Variants in GTPBP10 observed in about 807,000 individuals in gnomAD.
The protein encoded by GTPBP10 is GTP-binding protein 10.
Under a neutral mutation model 44.8 loss-of-function variants are expected in GTPBP10, and 38 were observed. The observed-to-expected ratio is 0.85, with a 90% CI of 0.65 to 1.11. The LOEUF is 1.11. GTPBP10 is among the 50% of genes most tolerant of loss of function. GTPBP10 has a pLI of 0.00. For missense variants in GTPBP10, 462 were observed against 453.7 expected, an observed-to-expected ratio of 1.02 and a Z score of -0.17; for synonymous variants, 152 against 150.6, an observed-to-expected ratio of 1.01 and a Z score of -0.07.
intron 6 of GTPBP10, among the ~76,000 whole-genome samples, chr7:90,375,948 C>T (rs534451613): frequency 4.0e-5 from 6 of 151,534 alleles, no homozygotes; most frequent in South Asian, 2.1e-4. Flanking sequence ...CACAAGTGGC[C>T]GGGTGTGGTG....
intron 4 of GTPBP10, among the ~76,000 whole-genome samples, chr7:90,361,767 T>C (rs1227550397): frequency 1.3e-5 from 2 of 152,186 alleles, no homozygotes; most frequent in African/African-American, 4.8e-5. Flanking sequence ...TCCTGGACTT[T>C]TTTTGGTTGG....
At chr7:90,368,106 G>A (rs1295783495) in intron 4 of GTPBP10, among the ~76,000 whole-genome samples, 33 of 152,154 alleles carry the variant, frequency 2.2e-4, no homozygotes, top group African/African-American at 2.4e-5. Flanking sequence ...TTGAATATTG[G>A]CCCCCACTCT....
chr7:90,360,741 T>G (rs1796000784), intron 4 of GTPBP10, among the ~76,000 whole-genome samples: 1 of 152,200 alleles, frequency 6.6e-6, no homozygotes, highest in South Asian at 2.1e-4. Context: ...GTATGGCCAT[T>G]TTCATGATAC....
intron 4 of GTPBP10, among the ~76,000 whole-genome samples, chr7:90,369,165 A>T (rs1001420452): frequency 6.6e-6 from 1 of 152,058 alleles, no homozygotes; most frequent in Non-Finnish European, 1.5e-5. Flanking sequence ...TTTGCTCTGG[A>T]AGCTTTGTCC....
Position 90,378,119 on chromosome 7 carries a change from T to G in GTPBP10, c.700-15T>G, listed in dbSNP as rs753455745. ...CGTATGTTAAAGGCTGTCTCTTTCC[T>G]TCTCTTTTTTTTAGGTTGATATTTC... On this transcript the variant is annotated splice_polypyrimidine_tract_variant and intron_variant, in intron 7 of 9. Coordinates refer to ENST00000222511, the MANE Select transcript of GTPBP10 (RefSeq NM_033107.4). 6.2e-7 allele frequency: 1 copy of G among 1,605,768 alleles called. No individual in the cohort carries two copies. Among genetic ancestry groups the G allele is most frequent in the Non-Finnish European group, 8.5e-7 (1 of 1,173,678 alleles).
At chr7:90,378,086 C>A in intron 7 of GTPBP10, 48 bp from the exon 8 acceptor site, 1 of 1,548,888 alleles carries the variant, frequency 6.5e-7, no homozygotes. Flanking sequence ...AAATGTATAG[C>A]TATTCTTCGT....
intron 4 of GTPBP10, among the ~76,000 whole-genome samples, chr7:90,369,533 C>T (rs1232494806): frequency 6.6e-6 from 1 of 152,218 alleles, no homozygotes; most frequent in African/African-American, 2.4e-5. Flanking sequence ...GCGGATACCC[C>T]TCCACCTGCC....
chr7:90,370,728 G>A (rs1054167455), intron 4 of GTPBP10, among the ~76,000 whole-genome samples: 5 of 152,114 alleles, frequency 3.3e-5, no homozygotes, highest in Admixed American at 1.3e-4. Context: ...GAAATAGGTC[G>A]GACATGGTGG....
At chr7:90,378,086 C>G (rs776981202) in intron 7 of GTPBP10, 48 bp from the exon 8 acceptor site, 1 of 1,548,770 alleles carries the variant, frequency 6.5e-7, no homozygotes, top group East Asian at 2.3e-5. Context: ...AAATGTATAG[C>G]TATTCTTCGT....
At chr7:90,378,049 G>A in intron 7 of GTPBP10, 85 bp from the exon 8 acceptor site, 1 of 1,446,218 alleles carries the variant, frequency 6.9e-7, no homozygotes. Flanking sequence ...TTTTTAGCTT[G>A]AGAGAGTAAA....
Position 90,352,943 on chromosome 7 carries a change from C to CT in GTPBP10, c.164dup (p.Leu55PhefsTer5). ...TGGGTTGTAGCCCAGAACAGAATGA[C>CT]TTTAAAACAACTTAAAGACAGGTAT... is the stretch of plus-strand genomic sequence containing the variant. On this transcript the variant is annotated frameshift_variant, in exon 2 of 10. Transcript: ENST00000222511. LOFTEE classifies it high-confidence loss of function. 6.2e-7 allele frequency: 1 copy of CT among 1,613,296 alleles called. No individual in the cohort carries two copies. Among genetic ancestry groups the CT allele is most frequent in the Non-Finnish European group, 8.5e-7 (1 of 1,179,638 alleles).
rs1796504354 is a variant in GTPBP10, at chr7:90,385,238, T to C, written c.*84T>C. ...TTCATCTGTGACAACCTGGAGGACATGTTAAGTAAAATAAGCCAGGCTTAG... is the reference window on the plus strand; with the variant it reads ...TTCATCTGTGACAACCTGGAGGACACGTTAAGTAAAATAAGCCAGGCTTAG... On this transcript the variant is annotated 3_prime_UTR_variant, in exon 10 of 10. Transcript: ENST00000222511. 2.0e-6 allele frequency: 2 copies of C among 983,362 alleles called. No homozygotes were observed. Among genetic ancestry groups the C allele is most frequent in the South Asian group, 1.8e-5 (1 of 56,498 alleles). 60.9% of individuals were successfully genotyped at this position (983,362 alleles called of 1,614,324 possible). A position where few individuals can be genotyped will look rare whatever the true frequency, so the allele number is the denominator to read the frequency against.
chr7:90,372,255 A>C (rs1453760599), intron 5 of GTPBP10, 27 bp downstream of exon 5: 1 of 1,384,426 alleles, frequency 7.2e-7, no homozygotes, highest in Non-Finnish European at 1.0e-6. Flanking sequence ...TGTACATTTT[A>C]ATGAGTGGAG....
chr7:90,386,953 T>A lies in GTPBP10; in HGVS notation c.*1799T>A, dbSNP rs571814207. On this transcript the variant is annotated 3_prime_UTR_variant, in exon 10 of 10. Coordinates refer to ENST00000222511, the MANE Select transcript of GTPBP10 (RefSeq NM_033107.4). ...TAATAGTTTACATTCTTGCAGAAAT[T>A]TTTTATGTATAAATTTTTACCCAAA... is the stretch of plus-strand genomic sequence containing the variant. 2 of 152,328 alleles carry A rather than the reference T, an allele frequency of 1.3e-5. No homozygotes were observed. Among genetic ancestry groups the A allele is most frequent in the South Asian group, 2.1e-4 (1 of 4,830 alleles). 9.4% of individuals were successfully genotyped at this position (152,328 alleles called of 1,614,324 possible). A position where few individuals can be genotyped will look rare whatever the true frequency, so the allele number is the denominator to read the frequency against.
At chr7:90,350,604 C>A (rs1325842622) in intron 1 of GTPBP10, among the ~76,000 whole-genome samples, 1 of 152,094 alleles carries the variant, frequency 6.6e-6, no homozygotes, top group African/African-American at 2.4e-5. Flanking sequence ...CTTACTTTTT[C>A]TTTTATTGTA....
intron 6 of GTPBP10, 69 bp downstream of exon 6, chr7:90,374,423 A>G (rs1796309607): frequency 2.0e-6 from 2 of 1,004,444 alleles, no homozygotes; most frequent in Admixed American, 2.0e-5. Flanking sequence ...GTACTTGGAT[A>G]TTATAGTTTT....
intron 4 of GTPBP10, among the ~76,000 whole-genome samples, chr7:90,356,200 C>G (rs975234672): frequency 6.6e-6 from 1 of 152,152 alleles, no homozygotes; most frequent in Non-Finnish European, 1.5e-5. Context: ...CCTGCCTGAC[C>G]AGCCACTAGA....
chr7:90,377,653 T>A, intron 7 of GTPBP10, 39 bp downstream of exon 7: 1 of 1,301,222 alleles, frequency 7.7e-7, no homozygotes, highest in Non-Finnish European at 1.1e-6. Flanking sequence ...TCAAATAAAT[T>A]GAAAACCAGT....
chr7:90,369,573 G>C (rs2115711283), intron 4 of GTPBP10, among the ~76,000 whole-genome samples: 1 of 152,298 alleles, frequency 6.6e-6, no homozygotes, highest in Non-Finnish European at 1.5e-5. Flanking sequence ...GTCAATCTCA[G>C]ACTGCTGCGC....
Sources: allele counts gnomAD v4.1 joint callset (sites outside exome capture counted in the v4.1 genomes callset), GRCh38; gene constraint gnomAD v4.1.1; transcripts MANE v1.5; gene names NCBI Gene and HGNC (gene_info 2026-07-23, HGNC 2026-07-21).